GPC6: variants seen among roughly 807,000 people sequenced by gnomAD.
The protein encoded by GPC6 is glypican 6.
In GPC6, 14 loss-of-function variants were observed where a neutral mutation model predicts 55.2. The observed-to-expected ratio is 0.25, with a 90% CI of 0.17 to 0.40. The LOEUF is 0.40. GPC6 is among the 10% of genes least tolerant of loss of function. The pLI, the probability that GPC6 is intolerant of heterozygous loss-of-function variation, is 1.00. For missense variants in GPC6, 641 were observed against 708.5 expected (o/e 0.90, Z 1.08); for synonymous variants, 278 against 259.6 (o/e 1.07, Z -0.68).
At chr13:93,665,164 T>C (rs866516226) in intron 2 of GPC6, among the ~76,000 whole-genome samples, 7 of 152,200 alleles carry the variant, frequency 4.6e-5, no homozygotes, top group South Asian at 2.1e-4. Context: ...TAAGAATGTT[T>C]ACTGCATTGT....
chr13:93,264,152 A>G (rs2139044343), intron 1 of GPC6, among the ~76,000 whole-genome samples: 1 of 152,286 alleles, frequency 6.6e-6, no homozygotes, highest in Non-Finnish European at 1.5e-5. Flanking sequence ...AAATTCTCAG[A>G]TTCCCTCAGG....
intron 1 of GPC6, among the ~76,000 whole-genome samples, chr13:93,461,857 C>A (rs1015108153): frequency 6.6e-6 from 1 of 152,168 alleles, no homozygotes; most frequent in African/African-American, 2.4e-5. Flanking sequence ...TCCCTCTTTA[C>A]GTTATCTCAT....
intron 1 of GPC6, among the ~76,000 whole-genome samples, chr13:93,322,949 A>C (rs1594096039): frequency 6.7e-6 from 1 of 149,326 alleles, no homozygotes; most frequent in Admixed American, 6.7e-5. Context: ...AGCCCCCCAC[A>C]CCCCCTTAGT....
intron 1 of GPC6, among the ~76,000 whole-genome samples, chr13:93,488,643 C>T (rs1879828138): frequency 6.6e-6 from 1 of 152,118 alleles, no homozygotes; most frequent in Non-Finnish European, 1.5e-5. Flanking sequence ...TGTTTCCTGA[C>T]TTTTTAATGA....
chr13:94,109,134 C>T (rs1384660906), intron 4 of GPC6, among the ~76,000 whole-genome samples: 1 of 152,154 alleles, frequency 6.6e-6, no homozygotes, highest in Non-Finnish European at 1.5e-5. Flanking sequence ...TCTGATTTCC[C>T]CTCACATGGC....
intron 1 of GPC6, among the ~76,000 whole-genome samples, chr13:93,513,974 A>G (rs1203361244): frequency 2.1e-5 from 3 of 145,602 alleles, no homozygotes. Context: ...CCCAGGTTGA[A>G]GCGATTGTCC....
chr13:93,774,401 T>C (rs1885395567), intron 2 of GPC6, among the ~76,000 whole-genome samples: 1 of 152,136 alleles, frequency 6.6e-6, no homozygotes, highest in South Asian at 2.1e-4. Flanking sequence ...TTAGGGACCA[T>C]ATCACAAAGT....
intron 4 of GPC6, among the ~76,000 whole-genome samples, chr13:94,170,330 C>T (rs1432338573): frequency 1.3e-5 from 2 of 152,144 alleles, no homozygotes; most frequent in Non-Finnish European, 2.9e-5. Context: ...TTGAAATGGC[C>T]CCGTGCTAAC....
At position 93,984,029 on chromosome 13, in the gene GPC6, A is replaced by AATTT. The variant is rs202239190; in HGVS notation, c.712-43679_712-43676dup. On this transcript the variant is annotated intron_variant, in intron 3 of 8. Transcript: ENST00000377047. ...TCTTTTGGAATTTTGAGGAACATTG[A>AATTT]ATTTATTTATTTATTTATTTATTTT... is the stretch of plus-strand genomic sequence containing the variant. Among the ~76,000 whole-genome samples, 1,388 of 152,152 alleles carry AATTT rather than the reference A, an allele frequency of 9.1e-3. 25 individuals carry two copies. Among genetic ancestry groups the AATTT allele is most frequent in the South Asian group, 0.058 (281 of 4,810 alleles).
At chr13:93,670,227 G>A (rs1330144404) in intron 2 of GPC6, among the ~76,000 whole-genome samples, 1 of 152,076 alleles carries the variant, frequency 6.6e-6, no homozygotes, top group Admixed American at 6.6e-5. Flanking sequence ...ACTCCTCTTA[G>A]GTTTCCACCG....
At chr13:93,385,097 T>C (rs1875340654) in intron 1 of GPC6, among the ~76,000 whole-genome samples, 1 of 152,198 alleles carries the variant, frequency 6.6e-6, no homozygotes, top group South Asian at 2.1e-4. Flanking sequence ...GGTGCTGTGA[T>C]AGATAAAAAT....
intron 2 of GPC6, among the ~76,000 whole-genome samples, chr13:93,755,656 G>C (rs934483710): frequency 9.2e-5 from 14 of 152,144 alleles, no homozygotes; most frequent in Admixed American, 3.3e-4. Flanking sequence ...TCTGCTAAAA[G>C]GGTTAAAAAG....
At chr13:93,918,976 G>T (rs1255756349) in intron 3 of GPC6, among the ~76,000 whole-genome samples, 1 of 152,222 alleles carries the variant, frequency 6.6e-6, no homozygotes, top group Non-Finnish European at 1.5e-5. Context: ...CCCAGTGTGG[G>T]AGGTGGAACC....
intron 2 of GPC6, among the ~76,000 whole-genome samples, chr13:93,748,066 A>AT (rs1212957126): frequency 3.9e-5 from 6 of 152,302 alleles, no homozygotes; most frequent in African/African-American, 1.2e-4. Context: ...CTTGCTTCTG[A>AT]TTGACTGTCT....
chr13:93,555,925 C>T (rs11839320), intron 2 of GPC6, among the ~76,000 whole-genome samples: 40,046 of 151,994 alleles, frequency 0.26, 6,086 homozygotes, highest in Admixed American at 0.42. Context: ...GGTTAGTTAG[C>T]AGGATGTAGA....
intron 1 of GPC6, among the ~76,000 whole-genome samples, chr13:93,262,898 A>C (rs2139042679): frequency 6.6e-6 from 1 of 152,320 alleles, no homozygotes; most frequent in Admixed American, 6.5e-5. Context: ...GTGAGAGTAG[A>C]GAGATTTATT....
chr13:93,846,985 A>G (rs935076441), intron 3 of GPC6, among the ~76,000 whole-genome samples: 1 of 152,208 alleles, frequency 6.6e-6, no homozygotes, highest in Non-Finnish European at 1.5e-5. Context: ...ATGATTATTC[A>G]TACACTTTCT....
intron 1 of GPC6, among the ~76,000 whole-genome samples, chr13:93,260,390 G>C (rs1350995335): frequency 6.6e-6 from 1 of 152,034 alleles, no homozygotes; most frequent in Admixed American, 6.6e-5. Context: ...TCTATAAAGA[G>C]TATATAAATT....
chr13:93,953,169 G>A (rs1223420963), intron 3 of GPC6, among the ~76,000 whole-genome samples: 2 of 151,858 alleles, frequency 1.3e-5, no homozygotes, highest in African/African-American at 4.8e-5. Flanking sequence ...TTTTGCTGAG[G>A]TGTCTTCACT....
Sources: gnomAD v4.1 joint callset for allele counts (sites outside exome capture counted in the v4.1 genomes callset) on GRCh38, gnomAD v4.1.1 for gene constraint, MANE v1.5 for transcripts, NCBI Gene and HGNC (gene_info 2026-07-23, HGNC 2026-07-21) for gene names.